The following SLC2A12 variants were observed in gnomAD, a reference collection of about 807,000 sequenced individuals.
The protein encoded by SLC2A12 is solute carrier family 2 member 12.
A neutral mutation model predicts 41.8 loss-of-function variants in SLC2A12; 23 were observed. That is an observed-to-expected ratio of 0.55 (90% CI 0.40 to 0.78). SLC2A12 has a LOEUF of 0.78. Among genes scored for constraint, SLC2A12 ranks in the 30% least tolerant of loss-of-function variants. SLC2A12 has a pLI of 0.00. For missense variants in SLC2A12, 654 were observed against 745.6 expected, an observed-to-expected ratio of 0.88 and a Z score of 1.43; for synonymous variants, 295 against 285.9, an observed-to-expected ratio of 1.03 and a Z score of -0.32.
At chr6:134,042,269 A>C (rs1209151005) in intron 1 of SLC2A12, among the ~76,000 whole-genome samples, 2 of 152,208 alleles carry the variant, frequency 1.3e-5, no homozygotes, top group African/African-American at 2.4e-5. Flanking sequence ...AGGGAAATGA[A>C]ATGGGAAGAA....
chr6:134,001,069 TG>T (rs1369784174), intron 4 of SLC2A12, among the ~76,000 whole-genome samples: 2 of 141,052 alleles, frequency 1.4e-5, no homozygotes, highest in East Asian at 4.3e-4. Flanking sequence ...GAAAACCTGT[TG>T]GGGGGAGCTA....
At position 134,040,363 on chromosome 6, in the gene SLC2A12, G is replaced by A. The variant is rs55960211; in HGVS notation, c.104-10642C>T. Among the ~76,000 whole-genome samples the A allele has an allele frequency of 4.3e-4, 65 of 152,190 alleles. 1 individual carries two copies. The highest frequency in any genetic ancestry group is 6.5e-5 in the Admixed American group (1 of 15,286). ...CAAAGTGCTGGGATTACAGGTGTGA[G>A]CCACCACGCCAGGTCTCAGGTATTT... On this transcript the variant is annotated intron_variant, in intron 1 of 4. Coordinates refer to ENST00000275230, the MANE Select transcript of SLC2A12 (RefSeq NM_145176.3).
intron 2 of SLC2A12, among the ~76,000 whole-genome samples, chr6:134,020,472 A>G (rs1231890571): frequency 6.6e-6 from 1 of 152,176 alleles, no homozygotes; most frequent in African/African-American, 2.4e-5. Context: ...TTAAACTCCA[A>G]CTAGTTTATA....
Position 134,036,478 on chromosome 6 carries a change from G to A in SLC2A12, c.104-6757C>T, listed in dbSNP as rs1777301657. Among the ~76,000 whole-genome samples, 4 of 152,312 alleles carry A rather than the reference G, an allele frequency of 2.6e-5. No individual in the cohort carries two copies. In the South Asian group the frequency reaches 8.3e-4, roughly 32 times the overall value. ...CCACTATGCACAGAATGTGTGTTCA[G>A]AGTCCATCTCATTTTAAGGCACTCT... On this transcript the variant is annotated intron_variant, in intron 1 of 4. Transcript: ENST00000275230.
intron 3 of SLC2A12, among the ~76,000 whole-genome samples, chr6:134,006,322 G>T (rs983691167): frequency 5.9e-5 from 9 of 151,962 alleles, no homozygotes; most frequent in Admixed American, 4.6e-4. Context: ...AAAATATAAG[G>T]TATAGTGGGG....
chr6:134,022,061 C>T (rs1009489789), intron 2 of SLC2A12, among the ~76,000 whole-genome samples: 4 of 152,122 alleles, frequency 2.6e-5, no homozygotes, highest in Non-Finnish European at 4.4e-5. Context: ...ACAAGTAAAT[C>T]GTGGCCCTAT....
chr6:134,012,836 T>G (rs377585444), intron 2 of SLC2A12, among the ~76,000 whole-genome samples: 5 of 152,080 alleles, frequency 3.3e-5, no homozygotes, highest in African/African-American at 1.2e-4. Context: ...CCAGGAATGG[T>G]GGTGCATGCC....
chr6:134,026,636 A>T (rs1777115948), intron 2 of SLC2A12, among the ~76,000 whole-genome samples: 1 of 152,208 alleles, frequency 6.6e-6, no homozygotes, highest in Non-Finnish European at 1.5e-5. Flanking sequence ...ATCATTGTTA[A>T]GTCTTAAAAA....
chr6:134,005,486 C>A (rs1362585564), intron 3 of SLC2A12, among the ~76,000 whole-genome samples: 1 of 151,248 alleles, frequency 6.6e-6, no homozygotes, highest in Non-Finnish European at 1.5e-5. Flanking sequence ...AGTGAAACCC[C>A]ATCTCTACTA....
chr6:134,028,817 A>G lies in SLC2A12; in HGVS notation c.1008T>C (p.Leu336=), dbSNP rs1777152740. ...TTTTGCTGCCGACATGGTCTACAAG[A>G]AGAGTGGCAGGGATGGTGCTAATGA... The part of the protein sequence containing the change: ...VKVISTIPAT[L]LVDHVGSKTF... Residue 336 remains leucine, a synonymous_variant, in exon 2 of 5, where the codon CTT becomes CTC. Coordinates refer to ENST00000275230, the MANE Select transcript of SLC2A12 (RefSeq NM_145176.3). The G allele has an allele frequency of 6.2e-7, 1 of 1,614,184 alleles. No homozygotes were observed. Among genetic ancestry groups the G allele is most frequent in the East Asian group, 2.2e-5 (1 of 44,880 alleles).
At chr6:134,016,292 A>G (rs993441774) in intron 2 of SLC2A12, among the ~76,000 whole-genome samples, 1 of 151,994 alleles carries the variant, frequency 6.6e-6, no homozygotes, top group Non-Finnish European at 1.5e-5. Flanking sequence ...GAAAAAATAA[A>G]TAAATAAATA....
chr6:133,990,560 GT>G lies in SLC2A12; in HGVS notation c.*594del, dbSNP rs1352587769. 4 of 152,182 alleles carry G rather than the reference GT, an allele frequency of 2.6e-5. No homozygotes were observed. The highest frequency in any genetic ancestry group is 2.6e-4 in the Admixed American group (4 of 15,266). 9.4% of individuals were successfully genotyped at this position (152,182 alleles called of 1,614,324 possible). On this transcript the variant is annotated 3_prime_UTR_variant, in exon 5 of 5. Coordinates refer to ENST00000275230, the MANE Select transcript of SLC2A12 (RefSeq NM_145176.3). Reference sequence around the variant, plus strand: ...AAAGGATATTTTGCATTAAATTATAGTTTATAGTTCATAAAATAAGCTCTAT... The same window carrying G: ...AAAGGATATTTTGCATTAAATTATAGTTATAGTTCATAAAATAAGCTCTAT...
chr6:134,021,875 G>A (rs1440314474), intron 2 of SLC2A12, among the ~76,000 whole-genome samples: 1 of 152,242 alleles, frequency 6.6e-6, no homozygotes, highest in Non-Finnish European at 1.5e-5. Flanking sequence ...GGATAGAGCA[G>A]AGGCGGAAGG....
rs1777156328 is a variant in SLC2A12, at chr6:134,028,979, T to C, written c.846A>G (p.Gly282=). Residue 282 remains glycine, a synonymous_variant, in exon 2 of 5, where the codon GGA becomes GGG. Coordinates refer to ENST00000275230, the MANE Select transcript of SLC2A12 (RefSeq NM_145176.3). ...TTTGTACAAAAAATACTAGTGTTAG[T>C]CCTATCATTATTCGGGTCCGCATGT... is the stretch of plus-strand genomic sequence containing the variant. ...KDNMRTRIMI[G]LTLVFFVQIT... 4 of 1,614,104 alleles carry C rather than the reference T, an allele frequency of 2.5e-6. No homozygotes were observed. Among genetic ancestry groups the C allele is most frequent in the Non-Finnish European group, 3.4e-6 (4 of 1,180,048 alleles).
intron 2 of SLC2A12, among the ~76,000 whole-genome samples, chr6:134,013,879 C>T (rs1259833537): frequency 6.6e-6 from 1 of 152,100 alleles, no homozygotes; most frequent in East Asian, 1.9e-4. Flanking sequence ...CAATTTTGAA[C>T]ATGTATCAAA....
chr6:134,040,068 T>TG lies in SLC2A12; in HGVS notation c.104-10348_104-10347insC, dbSNP rs1363522874. Among the ~76,000 whole-genome samples, 90 of 150,356 alleles carry TG rather than the reference T, an allele frequency of 6.0e-4. 1 individual carries two copies. In the Middle Eastern group the frequency reaches 0.01, roughly 17 times the overall value. On this transcript the variant is annotated intron_variant, in intron 1 of 4. Transcript: ENST00000275230. The stretch of plus-strand genomic sequence containing the variant: ...AGGTTGTTGTTTTTTGTTTTTTTTT[T>TG]TTTGTTTTTTGTTTTTTGTTTTTTT...
rs938613575 is a variant in SLC2A12 at position 134,043,997 on chromosome 6, G to A, written c.103+8381C>T. 5.3e-5 allele frequency among the ~76,000 whole-genome samples: 8 copies of A among 151,876 alleles called. No individual in the cohort carries two copies. In the East Asian group the frequency reaches 7.7e-4, roughly 15 times the overall value. Reference sequence around the variant, plus strand: ...TTGAACTCTGTGCTCCCAGAATTCCGAAGTATTGGAAGCTCCCTGAACGTG... The same window carrying A: ...TTGAACTCTGTGCTCCCAGAATTCCAAAGTATTGGAAGCTCCCTGAACGTG... On this transcript the variant is annotated intron_variant, in intron 1 of 4. Coordinates refer to ENST00000275230, the MANE Select transcript of SLC2A12 (RefSeq NM_145176.3).
rs1410547601 is a variant in SLC2A12, at chr6:133,993,134, C to CT, written c.1701-1827dup. On this transcript the variant is annotated intron_variant, in intron 4 of 4. Transcript: ENST00000275230. Reference sequence around the variant, plus strand: ...TAACACTCTCTTCTTTGCTCGGTCTCTAAGTTTGGCACAAAACTGGGCCTA... The same window carrying CT: ...TAACACTCTCTTCTTTGCTCGGTCTCTTAAGTTTGGCACAAAACTGGGCCTA... 1.2e-4 allele frequency among the ~76,000 whole-genome samples: 19 copies of CT among 152,276 alleles called. No individual in the cohort carries two copies. In the East Asian group the frequency reaches 3.3e-3, roughly 26 times the overall value.
intron 4 of SLC2A12, among the ~76,000 whole-genome samples, chr6:133,994,562 C>T (rs561280738): frequency 1.3e-5 from 2 of 152,154 alleles, no homozygotes; most frequent in East Asian, 1.9e-4. Flanking sequence ...CCCGTCTCTA[C>T]TAAAAATACA....
Sources: allele counts gnomAD v4.1 joint callset (sites outside exome capture counted in the v4.1 genomes callset), GRCh38; gene constraint gnomAD v4.1.1; transcripts MANE v1.5; gene names NCBI Gene and HGNC (gene_info 2026-07-23, HGNC 2026-07-21).